The following NCOA2 variants were observed in gnomAD, a reference collection of about 807,000 sequenced individuals.
NCOA2 encodes the protein nuclear receptor coactivator 2.
NCOA2 carries 21 observed loss-of-function variants against 145.1 expected under a neutral mutation model. That is an observed-to-expected ratio of 0.14 (90% confidence interval 0.10 to 0.21). The LOEUF (loss-of-function observed/expected upper bound fraction) is 0.21. NCOA2 is among the 10% of genes least tolerant of loss of function. The probability of loss-of-function intolerance (pLI) is 1.00; values close to 1 mark genes in which losing one functional copy is unlikely to be tolerated. For missense variants in NCOA2, 1,472 were observed against 1,837.6 expected, an observed-to-expected ratio of 0.80 and a Z score of 3.64; for synonymous variants, 619 against 637.5, an observed-to-expected ratio of 0.97 and a Z score of 0.44.
the NCOA2 span, among the ~76,000 whole-genome samples, chr8:70,443,777 G>A: frequency 6.6e-6 from 1 of 151,774 alleles, no homozygotes; most frequent in Admixed American, 6.6e-5. Flanking sequence ...TTGCTATATT[G>A]CCCCCCAGGC....
intron 2 of NCOA2, among the ~76,000 whole-genome samples, chr8:70,232,921 C>A (rs1821263551): frequency 7.8e-6 from 1 of 128,772 alleles, no homozygotes; most frequent in Non-Finnish European, 1.7e-5. Context: ...ATATATATTT[C>A]ATTCTAGAAA....
intron 4 of NCOA2, among the ~76,000 whole-genome samples, chr8:70,207,150 T>C (rs1563620461): frequency 6.6e-6 from 1 of 152,188 alleles, no homozygotes; most frequent in African/African-American, 2.4e-5. Context: ...GAATGAATAT[T>C]TACTCTTGAA....
At chr8:70,209,284 T>A (rs1272905318) in intron 4 of NCOA2, among the ~76,000 whole-genome samples, 2 of 152,226 alleles carry the variant, frequency 1.3e-5, no homozygotes, top group Non-Finnish European at 2.9e-5. Flanking sequence ...GAGGAGTTGC[T>A]TTTTGCGGAT....
intron 11 of NCOA2, among the ~76,000 whole-genome samples, chr8:70,150,523 A>G (rs1172489517): frequency 3.3e-5 from 5 of 152,246 alleles, no homozygotes; most frequent in Admixed American, 3.3e-4. Context: ...CATGTCACCC[A>G]CCTCATGATC....
chr8:70,348,714 T>C (rs535778267), intron 1 of NCOA2, among the ~76,000 whole-genome samples: 1 of 152,044 alleles, frequency 6.6e-6, no homozygotes, highest in African/African-American at 2.4e-5. Context: ...CCTGGGTGAG[T>C]GGCAGTGCCA....
chr8:70,440,840 AAGAG>A, the NCOA2 span, among the ~76,000 whole-genome samples: 7 of 151,522 alleles, frequency 4.6e-5, no homozygotes, highest in Admixed American at 3.9e-4. Context: ...AGAAAGAGGA[AAGAG>A]AGAAAGAAAG....
the NCOA2 span, among the ~76,000 whole-genome samples, chr8:70,412,217 T>G: frequency 6.6e-6 from 1 of 151,962 alleles, no homozygotes; most frequent in Admixed American, 6.6e-5. Context: ...CAAGCAGCAG[T>G]GAGCTATGAT....
At position 70,213,864 on chromosome 8, in the gene NCOA2, C is replaced by T. The variant is rs146131722; in HGVS notation, c.259+39G>A. On this transcript the variant is annotated intron_variant, in intron 4 of 22. Transcript: ENST00000452400. The stretch of plus-strand genomic sequence containing the variant: ...CTTCTCACACAGGGAAAAACAGAAA[C>T]CAATTCAACTCTTCAAAATACTAAT... 320 of 1,508,142 alleles carry T rather than the reference C, an allele frequency of 2.1e-4. 3 individuals carry two copies. The East Asian group carries it at 5.9e-3, about 28-fold the overall frequency. 93.4% of individuals were successfully genotyped at this position (1,508,142 alleles called of 1,614,324 possible).
intron 2 of NCOA2, among the ~76,000 whole-genome samples, chr8:70,239,079 T>A (rs1228828734): frequency 6.6e-6 from 1 of 152,178 alleles, no homozygotes; most frequent in Non-Finnish European, 1.5e-5. Flanking sequence ...TGCCTTTTCC[T>A]ACTGAATCCT....
chr8:70,392,355 G>T (rs982056518), intron 1 of NCOA2, among the ~76,000 whole-genome samples: 2 of 152,136 alleles, frequency 1.3e-5, no homozygotes, highest in Non-Finnish European at 2.9e-5. Flanking sequence ...ATTGGTTGGT[G>T]GCAGAAAATG....
Position 70,288,940 on chromosome 8 carries a change from C to T in NCOA2, c.-20+7804G>A, listed in dbSNP as rs578062178. ...AAAAATTTAACTGTTCCCAAAGCAT[C>T]TAGTTACAAAAAAATCTAAATTCTA... is the stretch of plus-strand genomic sequence containing the variant. On this transcript the variant is annotated intron_variant, in intron 2 of 22. Transcript: ENST00000452400. 9.2e-4 allele frequency among the ~76,000 whole-genome samples: 140 copies of T among 152,110 alleles called. 2 individuals carry two copies. Among genetic ancestry groups the T allele is most frequent in the African/African-American group, 3.3e-3 (138 of 41,486 alleles).
At chr8:70,313,596 G>A (rs1035146350) in intron 1 of NCOA2, among the ~76,000 whole-genome samples, 1 of 152,106 alleles carries the variant, frequency 6.6e-6, no homozygotes, top group Non-Finnish European at 1.5e-5. Context: ...TATATGAAAT[G>A]TTATGCTTCT....
chr8:70,411,801 C>A, the NCOA2 span, among the ~76,000 whole-genome samples: 2 of 152,112 alleles, frequency 1.3e-5, no homozygotes, highest in Admixed American at 6.5e-5. Context: ...GTGATAGATA[C>A]CAGGATAGTT....
At chr8:70,318,206 T>G (rs1805767222) in intron 1 of NCOA2, among the ~76,000 whole-genome samples, 1 of 152,210 alleles carries the variant, frequency 6.6e-6, no homozygotes, top group Non-Finnish European at 1.5e-5. Flanking sequence ...GTGCCCCACC[T>G]GGAACTCAAT....
intron 5 of NCOA2, among the ~76,000 whole-genome samples, chr8:70,172,199 C>T (rs1425222121): frequency 6.6e-6 from 1 of 152,118 alleles, no homozygotes; most frequent in Non-Finnish European, 1.5e-5. Flanking sequence ...CTCAAGTGAT[C>T]CTCCCACCAC....
chr8:70,141,362 T>A lies in NCOA2; in HGVS notation c.2850A>T (p.Pro950=), dbSNP rs1024486170. The change falls in exon 14 of 23, where the codon CCA becomes CCT. Residue 950 remains proline (P), a synonymous_variant. Transcript: ENST00000452400. ...AACTCTGCGGTGCCCATTCTCCAGA[T>A]GGCATAGTAGGCCGAGAAGCACTGT... The part of the protein sequence containing the change: ...IGNSASRPTM[P]SGEWAPQSSA... The A allele has an allele frequency of 6.2e-7, 1 of 1,613,916 alleles. No homozygotes were observed. Among genetic ancestry groups the A allele is most frequent in the Non-Finnish European group, 8.5e-7 (1 of 1,179,870 alleles).
At chr8:70,343,389 TCA>T (rs1447847638) in intron 1 of NCOA2, among the ~76,000 whole-genome samples, 1 of 152,016 alleles carries the variant, frequency 6.6e-6, no homozygotes, top group African/African-American at 2.4e-5. Flanking sequence ...AATCAAATAA[TCA>T]GTGATTATTT....
At chr8:70,403,508 C>T (rs1342237679) in intron 1 of NCOA2, among the ~76,000 whole-genome samples, 192 bp downstream of exon 1, 1 of 151,346 alleles carries the variant, frequency 6.6e-6, no homozygotes, top group Admixed American at 6.6e-5. Context: ...GCTGCGCCTC[C>T]GGGATGCAAC....
intron 2 of NCOA2, among the ~76,000 whole-genome samples, chr8:70,287,922 C>T (rs1240004160): frequency 6.6e-6 from 1 of 152,002 alleles, no homozygotes; most frequent in Non-Finnish European, 1.5e-5. Flanking sequence ...TTGGCTTTCT[C>T]CGTCTTTTGC....
Sources: gnomAD v4.1 joint callset for allele counts (sites outside exome capture counted in the v4.1 genomes callset) on GRCh38, gnomAD v4.1.1 for gene constraint, MANE v1.5 for transcripts, NCBI Gene and HGNC (gene_info 2026-07-23, HGNC 2026-07-21) for gene names.